CNTNAP2: variants seen among roughly 807,000 people sequenced by gnomAD.
CNTNAP2 encodes contactin associated protein 2.
In CNTNAP2, 98 loss-of-function variants were observed where a neutral mutation model predicts 155.2. That is an observed-to-expected ratio of 0.63 (90% confidence interval 0.54 to 0.75). The LOEUF (loss-of-function observed/expected upper bound fraction) is 0.75. Ranked by LOEUF, CNTNAP2 falls within the 30% of genes least tolerant of loss-of-function variation. The pLI, the probability that CNTNAP2 is intolerant of heterozygous loss-of-function variation, is 0.00. For synonymous variants in CNTNAP2, 651 were observed against 631.2 expected (o/e 1.03, Z -0.47); for missense variants, 1,727 against 1,688.1 (o/e 1.02, Z -0.40).
chr7:146,201,175 A>C (rs183363732), intron 1 of CNTNAP2, among the ~76,000 whole-genome samples: 119 of 152,304 alleles, frequency 7.8e-4, no homozygotes, highest in African/African-American at 2.7e-3. Context: ...GAGAACATAC[A>C]AATATATAAA....
intron 1 of CNTNAP2, among the ~76,000 whole-genome samples, chr7:146,620,173 T>C (rs912344893): frequency 6.6e-6 from 1 of 152,174 alleles, no homozygotes; most frequent in African/African-American, 2.4e-5. Flanking sequence ...GCGAAGACTT[T>C]GAGTTGTCTC....
intron 1 of CNTNAP2, among the ~76,000 whole-genome samples, chr7:146,697,603 T>A (rs1345719774): frequency 1.3e-5 from 2 of 152,212 alleles, no homozygotes; most frequent in African/African-American, 4.8e-5. Flanking sequence ...TTTATATATT[T>A]ACTCTAGATG....
At chr7:146,225,941 G>A (rs141381313) in intron 1 of CNTNAP2, among the ~76,000 whole-genome samples, 8 of 152,226 alleles carry the variant, frequency 5.3e-5, no homozygotes, top group African/African-American at 1.9e-4. Flanking sequence ...ATTCTTTGCA[G>A]CCAGTATTCA....
At chr7:147,978,210 T>C in intron 15 of CNTNAP2, 2 of 569,434 alleles carry the variant, frequency 3.5e-6, no homozygotes, top group Non-Finnish European at 6.2e-6. Context: ...ATCTTTCCTC[T>C]ATATTCATAT....
chr7:146,198,891 A>G lies in CNTNAP2; in HGVS notation c.97+81918A>G, dbSNP rs373372546. On this transcript the variant is annotated intron_variant, in intron 1 of 23. Coordinates refer to ENST00000361727, the MANE Select transcript of CNTNAP2 (RefSeq NM_014141.6). ...TTTCTTGGCATTTTTATTAGTATATATTGAAGATCCAGAACCATCTATTCT... is the reference window on the plus strand; with the variant it reads ...TTTCTTGGCATTTTTATTAGTATATGTTGAAGATCCAGAACCATCTATTCT... Among the ~76,000 whole-genome samples, 6 of 152,232 alleles carry G rather than the reference A, an allele frequency of 3.9e-5. No homozygotes were observed. The East Asian group carries it at 9.6e-4, about 24-fold the overall frequency.
chr7:147,818,819 G>A (rs1798317145), intron 13 of CNTNAP2, among the ~76,000 whole-genome samples: 1 of 152,122 alleles, frequency 6.6e-6, no homozygotes, highest in Non-Finnish European at 1.5e-5. Flanking sequence ...CAAAATTAGA[G>A]CAAATCTCAT....
At chr7:146,792,409 A>G (rs897243774) in intron 2 of CNTNAP2, among the ~76,000 whole-genome samples, 1 of 152,234 alleles carries the variant, frequency 6.6e-6, no homozygotes, top group Admixed American at 6.5e-5. Flanking sequence ...CAATTCTATT[A>G]GAGGTGAAAT....
chr7:146,680,637 G>A (rs571480345), intron 1 of CNTNAP2, among the ~76,000 whole-genome samples: 12 of 152,246 alleles, frequency 7.9e-5, no homozygotes, highest in South Asian at 4.2e-4. Context: ...ATATCATAGC[G>A]TATGTGTGAC....
intron 3 of CNTNAP2, among the ~76,000 whole-genome samples, chr7:147,024,363 A>G (rs1584789312): frequency 6.6e-6 from 1 of 152,228 alleles, no homozygotes; most frequent in Admixed American, 6.5e-5. Flanking sequence ...AATCAGAATA[A>G]AATCTGTAGT....
intron 10 of CNTNAP2, among the ~76,000 whole-genome samples, chr7:147,479,427 C>A (rs904239778): frequency 5.3e-5 from 8 of 152,166 alleles, no homozygotes; most frequent in Non-Finnish European, 8.8e-5. Context: ...AGGCGACTGA[C>A]TGATTTGAAA....
chr7:146,272,411 A>G (rs1161039927), intron 1 of CNTNAP2, among the ~76,000 whole-genome samples: 1 of 152,148 alleles, frequency 6.6e-6, no homozygotes, highest in Non-Finnish European at 1.5e-5. Context: ...GAGCTAACCC[A>G]TATTACATTG....
At chr7:147,627,933 G>A (rs1403688367) in intron 12 of CNTNAP2, among the ~76,000 whole-genome samples, 10 of 145,676 alleles carry the variant, frequency 6.9e-5, no homozygotes, top group African/African-American at 1.5e-4. Flanking sequence ...ACAAAGACAA[G>A]AAAAAAAAAA....
chr7:146,304,589 A>T (rs1302739919), intron 1 of CNTNAP2, among the ~76,000 whole-genome samples: 1 of 152,090 alleles, frequency 6.6e-6, no homozygotes, highest in African/African-American at 2.4e-5. Context: ...AGAATGTTGA[A>T]TATTGGCCCC....
intron 12 of CNTNAP2, among the ~76,000 whole-genome samples, chr7:147,575,107 A>ATG (rs754922892): frequency 0.045 from 4,167 of 93,634 alleles, 84 homozygotes; most frequent in South Asian, 0.065. Flanking sequence ...TTTGTGGGAA[A>ATG]TGTGTGTGTG....
intron 1 of CNTNAP2, among the ~76,000 whole-genome samples, chr7:146,754,679 C>T (rs1196211314): frequency 6.6e-6 from 1 of 151,630 alleles, no homozygotes; most frequent in African/African-American, 2.4e-5. Flanking sequence ...GGTATCTCTA[C>T]AGTTTTTTCA....
At chr7:147,671,583 G>A (rs1351239998) in intron 13 of CNTNAP2, 1 of 152,138 alleles carries the variant, frequency 6.6e-6, no homozygotes, top group Non-Finnish European at 1.5e-5. Flanking sequence ...TTTCCTGAAA[G>A]TGGGATGGAA....
chr7:148,208,054 G>C (rs57768895), intron 18 of CNTNAP2, among the ~76,000 whole-genome samples: 25 of 150,514 alleles, frequency 1.7e-4, no homozygotes, highest in Non-Finnish European at 2.5e-4. Context: ...ACGCCACTGC[G>C]CTCCAGCCTG....
intron 1 of CNTNAP2, among the ~76,000 whole-genome samples, chr7:146,245,798 G>A (rs1214754523): frequency 1.8e-4 from 27 of 151,878 alleles, no homozygotes; most frequent in African/African-American, 6.3e-4. Context: ...TGGGTATCAG[G>A]GTCAGTCCAA....
In CNTNAP2 at chr7:146,598,669, C is replaced by T. The variant is rs144270307; in HGVS notation, c.98-175602C>T. 8.0e-4 allele frequency among the ~76,000 whole-genome samples: 121 copies of T among 152,198 alleles called. 1 individual carries two copies. The highest frequency in any genetic ancestry group is 3.5e-3 in the East Asian group (18 of 5,174). On this transcript the variant is annotated intron_variant, in intron 1 of 23. Transcript: ENST00000361727. Reference sequence around the variant, plus strand: ...TTCCCTATCCACTTCTTTACTGTCTCATTGGCTGGAACTTCTTTTCCTCTA... The same window carrying T: ...TTCCCTATCCACTTCTTTACTGTCTTATTGGCTGGAACTTCTTTTCCTCTA...
Sources: gnomAD v4.1 joint callset for allele counts (sites outside exome capture counted in the v4.1 genomes callset) on GRCh38, gnomAD v4.1.1 for gene constraint, MANE v1.5 for transcripts, NCBI Gene and HGNC (gene_info 2026-07-23, HGNC 2026-07-21) for gene names.